The following STX8 variants were observed in gnomAD, a reference collection of about 807,000 sequenced individuals.
STX8 encodes syntaxin 8, also known as syntaxin-8.
STX8 carries 23 observed loss-of-function variants against 37.5 expected under a neutral mutation model. The observed-to-expected ratio is 0.61, with a 90% CI of 0.44 to 0.87. The LOEUF (loss-of-function observed/expected upper bound fraction) is 0.87, where lower values mean the gene tolerates loss of function less well. STX8 is among the 40% of genes least tolerant of loss of function. The pLI, the probability that STX8 is intolerant of heterozygous loss-of-function variation, is 0.00. For synonymous variants in STX8, 115 were observed against 99.1 expected (o/e 1.16, Z -0.95); for missense variants, 313 against 284.7 (o/e 1.10, Z -0.71).
intron 7 of STX8, among the ~76,000 whole-genome samples, chr17:9,282,353 C>T (rs1907917659): frequency 1.3e-5 from 2 of 152,164 alleles, no homozygotes. Flanking sequence ...AGGCTGGTCT[C>T]AAACTCCTGA....
intron 4 of STX8, among the ~76,000 whole-genome samples, chr17:9,513,924 A>G (rs920025064): frequency 4.6e-5 from 7 of 152,250 alleles, no homozygotes; most frequent in African/African-American, 1.7e-4. Flanking sequence ...CCAGGAACAG[A>G]AAGCTAAACA....
At chr17:9,528,400 C>T (rs774348610) in intron 4 of STX8, among the ~76,000 whole-genome samples, 29 of 152,316 alleles carry the variant, frequency 1.9e-4, no homozygotes, top group Admixed American at 3.9e-4. Flanking sequence ...CGAGTTCAAG[C>T]GATTCTCCGG....
chr17:9,411,181 GACC>G (rs1445001797), intron 6 of STX8, among the ~76,000 whole-genome samples: 1 of 152,150 alleles, frequency 6.6e-6, no homozygotes, highest in African/African-American at 2.4e-5. Context: ...CTTCTGAAAG[GACC>G]ACAAGAAAGT....
In STX8 at chr17:9,323,917, T is replaced by A. The variant is rs189344037; in HGVS notation, c.643+54635A>T. Among the ~76,000 whole-genome samples, 4 of 152,056 alleles carry A rather than the reference T, an allele frequency of 2.6e-5. No homozygotes were observed. The East Asian group carries it at 7.7e-4, about 29-fold the overall frequency. ...CGCAGGTGCTGGAGGTGAGCCCTGATCCCAAGAATGAGGTGGTACCTGCTG... is the reference window on the plus strand; with the variant it reads ...CGCAGGTGCTGGAGGTGAGCCCTGAACCCAAGAATGAGGTGGTACCTGCTG... On this transcript the variant is annotated intron_variant, in intron 7 of 7. Transcript: ENST00000306357.
At chr17:9,404,663 C>T (rs1418705154) in intron 6 of STX8, among the ~76,000 whole-genome samples, 1 of 152,116 alleles carries the variant, frequency 6.6e-6, no homozygotes, top group Non-Finnish European at 1.5e-5. Flanking sequence ...CCATGTTGGC[C>T]AGGATGGTTT....
intron 3 of STX8, among the ~76,000 whole-genome samples, chr17:9,546,849 A>T (rs1177515585): frequency 6.6e-6 from 1 of 150,872 alleles, no homozygotes; most frequent in African/African-American, 2.4e-5. Flanking sequence ...CGTTCACCTC[A>T]GCCTCCCAAA....
chr17:9,368,923 T>G (rs74374014), intron 7 of STX8, among the ~76,000 whole-genome samples: 1 of 60,426 alleles, frequency 1.7e-5, no homozygotes, highest in African/African-American at 1.5e-4. Context: ...CCTTTTACCC[T>G]TTTTTTTTTT....
rs1276313253 is a variant in STX8 at position 9,573,815 on chromosome 17, G to T, written c.17+1977C>A. Among the ~76,000 whole-genome samples, 5 of 152,196 alleles carry T rather than the reference G, an allele frequency of 3.3e-5. No homozygotes were observed. The East Asian group carries it at 9.6e-4, about 29-fold the overall frequency. On this transcript the variant is annotated intron_variant, in intron 1 of 7. Transcript: ENST00000306357. The stretch of plus-strand genomic sequence containing the variant: ...AAGTATAAATGCTTCACTTTCAACA[G>T]TTCTAATTCCTACTTCTAGACAGGG...
chr17:9,422,658 T>C (rs1439411834), intron 6 of STX8, among the ~76,000 whole-genome samples: 1 of 152,258 alleles, frequency 6.6e-6, no homozygotes, highest in Non-Finnish European at 1.5e-5. Context: ...TAACATTCCA[T>C]TGTATGGATA....
intron 6 of STX8, among the ~76,000 whole-genome samples, chr17:9,439,727 C>A (rs746753097): frequency 8.6e-5 from 13 of 151,946 alleles, no homozygotes; most frequent in Admixed American, 2.6e-4. Flanking sequence ...ATCTGCTGAC[C>A]TTGTGATCTG....
intron 7 of STX8, among the ~76,000 whole-genome samples, chr17:9,291,234 G>A (rs184948464): frequency 3.9e-5 from 6 of 152,112 alleles, no homozygotes; most frequent in Admixed American, 1.3e-4. Context: ...CACCCGAGCC[G>A]AGGAGTTCAC....
At chr17:9,321,227 A>G (rs1049149103) in intron 7 of STX8, among the ~76,000 whole-genome samples, 1 of 152,162 alleles carries the variant, frequency 6.6e-6, no homozygotes, top group African/African-American at 2.4e-5. Flanking sequence ...GGTAATGTCT[A>G]AAGTTGAAAA....
chr17:9,532,028 C>A (rs546981695), intron 4 of STX8, among the ~76,000 whole-genome samples: 1 of 152,066 alleles, frequency 6.6e-6, no homozygotes, highest in African/African-American at 2.4e-5. Context: ...GTTGCAATGA[C>A]CATTTGTTCA....
intron 7 of STX8, among the ~76,000 whole-genome samples, chr17:9,357,252 G>A (rs1048108738): frequency 3.3e-5 from 5 of 152,054 alleles, no homozygotes; most frequent in Non-Finnish European, 7.4e-5. Flanking sequence ...ATAGGCGTGA[G>A]CCACTGCGCC....
intron 7 of STX8, among the ~76,000 whole-genome samples, chr17:9,268,993 C>G (rs1332024176): frequency 6.6e-6 from 1 of 152,142 alleles, no homozygotes; most frequent in Non-Finnish European, 1.5e-5. Flanking sequence ...CGAGACCATC[C>G]TGGCTAAAAC....
At chr17:9,382,010 A>T (rs1347856404) in intron 6 of STX8, among the ~76,000 whole-genome samples, 3 of 152,164 alleles carry the variant, frequency 2.0e-5, no homozygotes, top group Non-Finnish European at 4.4e-5. Flanking sequence ...GTCCTAACTT[A>T]TCCTTGTTTC....
chr17:9,431,314 C>G (rs555963111), intron 6 of STX8, among the ~76,000 whole-genome samples: 91 of 151,474 alleles, frequency 6.0e-4, no homozygotes, highest in Admixed American at 2.7e-3. Context: ...CGTGATCCAC[C>G]TGCCTCGGCC....
intron 7 of STX8, among the ~76,000 whole-genome samples, chr17:9,350,675 G>C (rs1910677978): frequency 6.6e-6 from 1 of 152,126 alleles, no homozygotes; most frequent in Non-Finnish European, 1.5e-5. Flanking sequence ...TGGGATTACA[G>C]GTGCCCGCCA....
intron 7 of STX8, among the ~76,000 whole-genome samples, chr17:9,324,522 G>T (rs966260478): frequency 6.6e-6 from 1 of 152,018 alleles, no homozygotes; most frequent in South Asian, 2.1e-4. Flanking sequence ...CTGCACTTTG[G>T]GGGGCTGAGG....
Sources: gnomAD v4.1 joint callset for allele counts (sites outside exome capture counted in the v4.1 genomes callset) on GRCh38, gnomAD v4.1.1 for gene constraint, MANE v1.5 for transcripts, NCBI Gene and HGNC (gene_info 2026-07-23, HGNC 2026-07-21) for gene names.